Variants in PLEKHA5 observed in about 807,000 individuals in gnomAD.
PLEKHA5 encodes the protein pleckstrin homology domain containing A5, also known as pleckstrin homology domain-containing family A member 5.
A neutral mutation model predicts 181.9 loss-of-function variants in PLEKHA5; 55 were observed. The ratio of observed to expected loss-of-function variants is 0.30; its 90% CI spans 0.24 to 0.38. The LOEUF (loss-of-function observed/expected upper bound fraction) is 0.38, where lower values mean the gene tolerates loss of function less well. Ranked by LOEUF, PLEKHA5 falls within the 10% of genes least tolerant of loss-of-function variation. The pLI, the probability that PLEKHA5 is intolerant of heterozygous loss-of-function variation, is 1.00. For synonymous variants in PLEKHA5, 535 were observed against 529.4 expected (o/e 1.01, Z -0.15); for missense variants, 1,432 against 1,549.5 (o/e 0.92, Z 1.27).
In PLEKHA5 at chr12:19,320,016, T is replaced by A. The variant is rs1354015728; in HGVS notation, c.2119-5T>A. On this transcript the variant is annotated splice_region_variant and splice_polypyrimidine_tract_variant and intron_variant, in intron 16 of 31. Transcript: ENST00000429027. ...AACCCATCCTTTTCCTTCATTATCT[T>A]TTAGTTCTTAAGACAGAAGAGCAAG... The A allele has an allele frequency of 7.4e-7, 1 of 1,350,028 alleles. No homozygotes were observed. The highest frequency in any genetic ancestry group is 1.5e-5 in the African/African-American group (1 of 68,332). 83.6% of individuals were successfully genotyped at this position (1,350,028 alleles called of 1,614,324 possible).
At chr12:19,363,254 C>G (rs2095317245) in intron 29 of PLEKHA5, among the ~76,000 whole-genome samples, 1 of 151,738 alleles carries the variant, frequency 6.6e-6, no homozygotes, top group Non-Finnish European at 1.5e-5. Flanking sequence ...TGGGTTCAAG[C>G]AATTCTCCTG....
At chr12:19,375,183 G>A (rs1173067211) in intron 31 of PLEKHA5, among the ~76,000 whole-genome samples, 1 of 151,652 alleles carries the variant, frequency 6.6e-6, no homozygotes, top group African/African-American at 2.4e-5. Context: ...AATTAGCCAG[G>A]CATGGTGATA....
At chr12:19,213,219 T>A (rs1217834577) in intron 3 of PLEKHA5, among the ~76,000 whole-genome samples, 8 of 151,896 alleles carry the variant, frequency 5.3e-5, no homozygotes. Context: ...CCCAAGGATA[T>A]GAGGGTGTGG....
At chr12:19,208,569 G>A (rs759525070) in intron 3 of PLEKHA5, among the ~76,000 whole-genome samples, 2 of 152,188 alleles carry the variant, frequency 1.3e-5, no homozygotes, top group Non-Finnish European at 2.9e-5. Flanking sequence ...AAAATTGATA[G>A]TTGGATTTGG....
Position 19,301,616 on chromosome 12 carries a change from T to A in PLEKHA5, c.2037+9919T>A, listed in dbSNP as rs2081484113. 3.3e-5 allele frequency among the ~76,000 whole-genome samples: 5 copies of A among 152,348 alleles called. No homozygotes were observed. In the Middle Eastern group the frequency reaches 0.014, roughly 415 times the overall value. ...AAATATACCACAAGGACATAATCTA[T>A]CTTCCTTGAAGAAAAGGGGAAATAT... On this transcript the variant is annotated intron_variant, in intron 15 of 31. Transcript: ENST00000429027.
intron 5 of PLEKHA5, 110 bp downstream of exon 5, chr12:19,255,275 A>C: frequency 1.6e-6 from 1 of 608,380 alleles, no homozygotes; most frequent in East Asian, 3.4e-5. Flanking sequence ...TTATTATTAC[A>C]TGAATTTGAA....
intron 29 of PLEKHA5, among the ~76,000 whole-genome samples, chr12:19,362,030 G>A (rs116422901): frequency 1.5e-4 from 23 of 151,766 alleles, no homozygotes; most frequent in Non-Finnish European, 2.2e-4. Flanking sequence ...GCCAGGCATG[G>A]TGGCATGTGC....
At chr12:19,305,845 C>A in intron 15 of PLEKHA5, among the ~76,000 whole-genome samples, 1 of 54,024 alleles carries the variant, frequency 1.9e-5, no homozygotes, top group Non-Finnish European at 3.6e-5. Flanking sequence ...GGGGCAACAA[C>A]AGCAAAACTC....
chr12:19,258,561 C>CTTTTTTTTTT (rs71440398), intron 6 of PLEKHA5, among the ~76,000 whole-genome samples: 16 of 123,798 alleles, frequency 1.3e-4, no homozygotes, highest in East Asian at 2.3e-4. Context: ...TTTTCTTTTT[C>CTTTTTTTTTT]TTTTTTTTTT....
intron 3 of PLEKHA5, among the ~76,000 whole-genome samples, chr12:19,148,055 T>A (rs959810069): frequency 6.6e-6 from 1 of 150,642 alleles, no homozygotes; most frequent in Non-Finnish European, 1.5e-5. Flanking sequence ...TATTTTATTT[T>A]ATTTATTTAT....
At chr12:19,306,356 T>C (rs2083549405) in intron 15 of PLEKHA5, 1 of 455,354 alleles carries the variant, frequency 2.2e-6, no homozygotes, top group East Asian at 5.9e-5. Flanking sequence ...TTTCTCGTGC[T>C]CTCCAACTAG....
chr12:19,253,802 A>C, intron 3 of PLEKHA5, 138 bp from the exon 4 acceptor site: 1 of 650,404 alleles, frequency 1.5e-6, no homozygotes, highest in East Asian at 2.9e-5. Context: ...CCTGGGCGAC[A>C]AGAATAAAAC....
intron 3 of PLEKHA5, among the ~76,000 whole-genome samples, chr12:19,190,876 GT>G (rs2050946622): frequency 6.6e-6 from 1 of 152,166 alleles, no homozygotes; most frequent in South Asian, 2.1e-4. Context: ...AAATATCAGT[GT>G]GAAAACAAAA....
intron 3 of PLEKHA5, among the ~76,000 whole-genome samples, chr12:19,161,621 T>C (rs1565883836): frequency 6.6e-6 from 1 of 152,156 alleles, no homozygotes; most frequent in Non-Finnish European, 1.5e-5. Flanking sequence ...GAACCACCGT[T>C]TTAAACTGAT....
intron 3 of PLEKHA5, among the ~76,000 whole-genome samples, chr12:19,198,757 A>AT (rs1309731208): frequency 4.6e-5 from 7 of 151,628 alleles, no homozygotes; most frequent in Admixed American, 4.6e-4. Flanking sequence ...CAGAGTGGGA[A>AT]AAAAAGTGAC....
At chr12:19,288,709 A>T (rs2077760764) in intron 13 of PLEKHA5, among the ~76,000 whole-genome samples, 1 of 152,232 alleles carries the variant, frequency 6.6e-6, no homozygotes, top group South Asian at 2.1e-4. Context: ...AAGACTAAGG[A>T]CTTTTAAATG....
chr12:19,341,360 T>C (rs892589987), intron 21 of PLEKHA5, among the ~76,000 whole-genome samples: 3 of 152,186 alleles, frequency 2.0e-5, no homozygotes, highest in African/African-American at 4.8e-5. Flanking sequence ...AGATTTGCAT[T>C]GTATACCGTT....
intron 20 of PLEKHA5, among the ~76,000 whole-genome samples, chr12:19,335,350 A>G (rs563681603): frequency 6.6e-6 from 1 of 151,526 alleles, no homozygotes; most frequent in Non-Finnish European, 1.5e-5. Context: ...TAAATTTTCT[A>G]AAGTTATTTT....
At chr12:19,258,931 C>T (rs2067602473) in intron 6 of PLEKHA5, among the ~76,000 whole-genome samples, 1 of 152,086 alleles carries the variant, frequency 6.6e-6, no homozygotes. Flanking sequence ...AAATTATGAT[C>T]CACTATTTCA....
Sources: gnomAD v4.1 joint callset for allele counts (sites outside exome capture counted in the v4.1 genomes callset) on GRCh38, gnomAD v4.1.1 for gene constraint, MANE v1.5 for transcripts, NCBI Gene and HGNC (gene_info 2026-07-23, HGNC 2026-07-21) for gene names.